Variants in SP100 observed in about 807,000 individuals in gnomAD.
The protein encoded by SP100 is SP100 nuclear body protein, also known as nuclear autoantigen Sp-100.
Under a neutral mutation model 130.0 loss-of-function variants are expected in SP100, and 84 were observed. The ratio of observed to expected loss-of-function variants is 0.65; its 90% CI spans 0.54 to 0.77. The LOEUF is 0.77. SP100 is among the 30% of genes least tolerant of loss of function. The pLI is 0.00. For synonymous variants in SP100, 331 were observed against 351.7 expected (o/e 0.94, Z 0.66); for missense variants, 978 against 1,052.2 (o/e 0.93, Z 0.97).
chr2:230,512,849 T>C (rs1690697935), intron 24 of SP100, among the ~76,000 whole-genome samples: 1 of 152,178 alleles, frequency 6.6e-6, no homozygotes, highest in African/African-American at 2.4e-5. Context: ...CAACTAAAAG[T>C]TCCCATCTAG....
chr2:230,480,246 T>C (rs1036086084), intron 17 of SP100, among the ~76,000 whole-genome samples: 4 of 152,242 alleles, frequency 2.6e-5, no homozygotes, highest in African/African-American at 9.6e-5. Flanking sequence ...AAGTGCCCGA[T>C]TAATAGTTAT....
Position 230,541,968 on chromosome 2 carries a change from A to G in SP100, c.2480A>G (p.Tyr827Cys). The G allele has an allele frequency of 1.9e-6, 3 of 1,614,138 alleles. No homozygotes were observed. In the East Asian group the frequency reaches 6.7e-5, roughly 36 times the overall value. Reference protein sequence around the residue: ...KVKTSLNEQMYTRVEGFVQDM... With the variant: ...KVKTSLNEQMCTRVEGFVQDM... ...AAGACAAGTTTGAATGAGCAGATGT[A>G]CACCCGAGTAGAAGGGTTTGTGCAG... The change falls in exon 28 of 29, where the codon TAC becomes TGC. Residue 827 changes from tyrosine to cysteine, a missense_variant. By Grantham distance (194) the Tyr-to-Cys change is radical (BLOSUM62 -2). Transcript: ENST00000340126.
intron 17 of SP100, among the ~76,000 whole-genome samples, chr2:230,490,585 T>C (rs2066340767): frequency 6.6e-6 from 1 of 152,240 alleles, no homozygotes; most frequent in Non-Finnish European, 1.5e-5. Flanking sequence ...TTTCATAATG[T>C]CACTGGTCTT....
chr2:230,480,349 G>A lies in SP100; in HGVS notation c.1600+5902G>A, dbSNP rs149866646. 6.8e-4 allele frequency among the ~76,000 whole-genome samples: 104 copies of A among 152,238 alleles called. No homozygotes were observed. The East Asian group carries it at 0.018, about 26-fold the overall frequency. The stretch of plus-strand genomic sequence containing the variant: ...TGTACAAAATATGTACTTAAAGCAA[G>A]CAAAGAAAAAACATTAAAAATAAAA... On this transcript the variant is annotated intron_variant, in intron 17 of 28. Transcript: ENST00000340126.
intron 7 of SP100, 49 bp downstream of exon 7, chr2:230,449,759 G>C (rs773629128): frequency 6.2e-7 from 1 of 1,600,652 alleles, no homozygotes; most frequent in Non-Finnish European, 8.5e-7. Context: ...AGGGGCCCTG[G>C]CTGGTGGCAG....
chr2:230,452,264 A>T (rs2064026594), intron 8 of SP100, among the ~76,000 whole-genome samples: 1 of 151,264 alleles, frequency 6.6e-6, no homozygotes, highest in South Asian at 2.1e-4. Context: ...TGCAACCTCT[A>T]CCTCACAGAT....
chr2:230,451,778 A>G (rs1384200765), intron 8 of SP100, among the ~76,000 whole-genome samples: 2 of 149,488 alleles, frequency 1.3e-5, no homozygotes, highest in Admixed American at 1.3e-4. Flanking sequence ...CTTGGGTATT[A>G]AATTTCAGTA....
At chr2:230,516,322 T>A in intron 24 of SP100, 1 of 156,770 alleles carries the variant, frequency 6.4e-6, no homozygotes, top group Non-Finnish European at 1.4e-5. Flanking sequence ...TGTTTATGAA[T>A]AGTTTCCAAA....
chr2:230,437,716 G>A (rs2063336204), intron 2 of SP100, among the ~76,000 whole-genome samples: 1 of 151,886 alleles, frequency 6.6e-6, no homozygotes. Flanking sequence ...GCACCACCAT[G>A]CCTGGCTAAT....
At chr2:230,446,480 T>G (rs2063715922) in intron 4 of SP100, among the ~76,000 whole-genome samples, 1 of 152,218 alleles carries the variant, frequency 6.6e-6, no homozygotes, top group Non-Finnish European at 1.5e-5. Flanking sequence ...CTCTAGGACT[T>G]GAGACCTTCT....
chr2:230,508,049 T>A lies in SP100; in HGVS notation c.2052+18T>A. ...GAAAAAAGGTGATGATCAAGTGATC[T>A]TCTGCCAATGTCTCGTCTATTATGT... On this transcript the variant is annotated intron_variant, in intron 23 of 28. Transcript: ENST00000340126. 1 of 1,612,862 alleles carries A rather than the reference T, an allele frequency of 6.2e-7. No homozygotes were observed. The highest frequency in any genetic ancestry group is 8.5e-7 in the Non-Finnish European group (1 of 1,179,162).
intron 24 of SP100, among the ~76,000 whole-genome samples, chr2:230,534,277 GCACCTGTAGTCC>G (rs1048387542): frequency 5.9e-5 from 9 of 152,122 alleles, no homozygotes; most frequent in Admixed American, 5.9e-4. Flanking sequence ...GTGGTGGTGG[GCACCTGTAGTCC>G]CAGCTACTCG....
intron 5 of SP100, 36 bp from the exon 6 acceptor site, chr2:230,449,049 CTCG>C: frequency 7.7e-7 from 1 of 1,296,788 alleles, no homozygotes; most frequent in Non-Finnish European, 1.1e-6. Flanking sequence ...AAATCCATAC[CTCG>C]ATTTCTGAAA....
chr2:230,421,953 C>CT (rs1051944316), intron 2 of SP100, among the ~76,000 whole-genome samples: 22 of 152,182 alleles, frequency 1.4e-4, no homozygotes, highest in Admixed American at 1.4e-3. Context: ...TTATCTCTCT[C>CT]TTTTATCTTT....
At chr2:230,429,132 G>A (rs189335104) in intron 2 of SP100, among the ~76,000 whole-genome samples, 1 of 152,226 alleles carries the variant, frequency 6.6e-6, no homozygotes, top group East Asian at 1.9e-4. Flanking sequence ...TTGCAAGACA[G>A]GTCTAGTGAT....
chr2:230,471,535 T>A (rs1437294821), intron 15 of SP100, among the ~76,000 whole-genome samples: 3 of 152,204 alleles, frequency 2.0e-5, no homozygotes, highest in Non-Finnish European at 4.4e-5. Flanking sequence ...AAGCCGATTA[T>A]GATGTTCAGT....
intron 8 of SP100, among the ~76,000 whole-genome samples, chr2:230,451,658 A>G (rs1342291200): frequency 6.6e-6 from 1 of 152,148 alleles, no homozygotes; most frequent in Admixed American, 6.5e-5. Flanking sequence ...ATGTAATCCC[A>G]GTTCTTTTTG....
chr2:230,489,444 C>A lies in SP100; in HGVS notation c.1601-4972C>A, dbSNP rs537683370. Among the ~76,000 whole-genome samples, 4 of 151,858 alleles carry A rather than the reference C, an allele frequency of 2.6e-5. No homozygotes were observed. The South Asian group carries it at 8.3e-4, about 32-fold the overall frequency. ...TTTATTAGTCTATCTAGTGGTCTAT[C>A]TATTTTGTTAATTTTTTCAAATAAC... On this transcript the variant is annotated intron_variant, in intron 17 of 28. Coordinates refer to ENST00000340126, the MANE Select transcript of SP100 (RefSeq NM_001080391.2).
chr2:230,448,510 C>A (rs2063815011), intron 5 of SP100, among the ~76,000 whole-genome samples: 1 of 152,122 alleles, frequency 6.6e-6, no homozygotes, highest in Non-Finnish European at 1.5e-5. Context: ...CCAGAGCCTG[C>A]ATTCCTAACC....
Sources: allele counts gnomAD v4.1 joint callset (sites outside exome capture counted in the v4.1 genomes callset), GRCh38; gene constraint gnomAD v4.1.1; transcripts MANE v1.5; gene names NCBI Gene and HGNC (gene_info 2026-07-23, HGNC 2026-07-21).